ATRNL1: variants seen among roughly 807,000 people sequenced by gnomAD.
ATRNL1 encodes attractin like 1.
ATRNL1 carries 95 observed loss-of-function variants against 182.7 expected under a neutral mutation model. The ratio of observed to expected loss-of-function variants is 0.52; its 90% CI spans 0.44 to 0.62. ATRNL1 has a LOEUF of 0.62. Ranked by LOEUF, ATRNL1 falls within the 20% of genes least tolerant of loss-of-function variation. ATRNL1 has a pLI of 0.00. For missense variants in ATRNL1, 1,471 were observed against 1,679.5 expected (o/e 0.88, Z 2.17); for synonymous variants, 576 against 568.3 (o/e 1.01, Z -0.19).
chr10:115,493,806 T>G (rs1031074473), intron 24 of ATRNL1, among the ~76,000 whole-genome samples: 3 of 152,228 alleles, frequency 2.0e-5, no homozygotes, highest in African/African-American at 7.2e-5. Flanking sequence ...ATAGTAGATA[T>G]TCTGACTAGT....
At chr10:115,913,142 T>C (rs1952736527) in intron 28 of ATRNL1, among the ~76,000 whole-genome samples, 1 of 152,144 alleles carries the variant, frequency 6.6e-6, no homozygotes, top group African/African-American at 2.4e-5. Flanking sequence ...ATGAACTAAA[T>C]TGCAGTATGT....
intron 26 of ATRNL1, among the ~76,000 whole-genome samples, chr10:115,568,170 G>C (rs1280602044): frequency 1.3e-5 from 2 of 152,058 alleles, no homozygotes; most frequent in Non-Finnish European, 2.9e-5. Flanking sequence ...TACATAGTAA[G>C]TGGCCAGTGC....
chr10:115,324,999 T>C (rs1554932728), intron 18 of ATRNL1, among the ~76,000 whole-genome samples: 2 of 152,218 alleles, frequency 1.3e-5, no homozygotes. Context: ...TAAATTTTTG[T>C]CTTAAATTTC....
At chr10:115,719,417 G>A (rs1218382498) in intron 26 of ATRNL1, among the ~76,000 whole-genome samples, 3 of 152,140 alleles carry the variant, frequency 2.0e-5, no homozygotes, top group East Asian at 1.9e-4. Context: ...TCAGTGTTAT[G>A]AAGACTTAAG....
At chr10:115,171,537 A>AT (rs1446391191) in intron 8 of ATRNL1, among the ~76,000 whole-genome samples, 1 of 152,068 alleles carries the variant, frequency 6.6e-6, no homozygotes, top group East Asian at 1.9e-4. Flanking sequence ...AGATTTGTGA[A>AT]TTTTTTAAAA....
At chr10:115,709,433 T>G (rs1565307132) in intron 26 of ATRNL1, among the ~76,000 whole-genome samples, 1 of 151,912 alleles carries the variant, frequency 6.6e-6, no homozygotes, top group Non-Finnish European at 1.5e-5. Context: ...ACAAATGTAG[T>G]TCTGCTTTTT....
At chr10:115,443,700 A>G (rs1554966140) in intron 21 of ATRNL1, among the ~76,000 whole-genome samples, 1 of 151,996 alleles carries the variant, frequency 6.6e-6, no homozygotes, top group Non-Finnish European at 1.5e-5. Context: ...ATGGATACGC[A>G]TGTTTCTTTG....
chr10:115,121,648 C>A, intron 2 of ATRNL1, 51 bp from the exon 3 acceptor site: 1 of 743,914 alleles, frequency 1.3e-6, no homozygotes, highest in Non-Finnish European at 2.1e-6. Context: ...TATTTATTCA[C>A]TCTGTGCTTT....
At chr10:115,234,808 C>T (rs781896112) in intron 9 of ATRNL1, among the ~76,000 whole-genome samples, 2 of 151,932 alleles carry the variant, frequency 1.3e-5, no homozygotes, top group Non-Finnish European at 2.9e-5. Context: ...TGGCTGGTCT[C>T]GAACTCCTGA....
At chr10:115,205,830 T>C (rs566488745) in intron 8 of ATRNL1, among the ~76,000 whole-genome samples, 32 of 152,148 alleles carry the variant, frequency 2.1e-4, no homozygotes, top group African/African-American at 7.2e-4. Flanking sequence ...GCCATGTAAA[T>C]ATTTTTGCTT....
chr10:115,348,111 C>T (rs530842677), intron 19 of ATRNL1, among the ~76,000 whole-genome samples: 8 of 152,130 alleles, frequency 5.3e-5, no homozygotes, highest in East Asian at 3.9e-4. Flanking sequence ...GTAGCTGGGA[C>T]GACAGGCACG....
At chr10:115,447,981 C>G (rs1403200119) in intron 21 of ATRNL1, among the ~76,000 whole-genome samples, 3 of 151,916 alleles carry the variant, frequency 2.0e-5, no homozygotes, top group Admixed American at 1.3e-4. Flanking sequence ...TTCTTTATGA[C>G]TAATTGAAAC....
At chr10:115,311,175 T>G (rs1230336790) in intron 17 of ATRNL1, among the ~76,000 whole-genome samples, 2 of 146,456 alleles carry the variant, frequency 1.4e-5, no homozygotes, top group Non-Finnish European at 3.0e-5. Context: ...GAGAAGATAC[T>G]TGATATGATT....
At chr10:115,221,227 C>G (rs79746141) in intron 9 of ATRNL1, among the ~76,000 whole-genome samples, 2,264 of 152,296 alleles carry the variant, frequency 0.015, 21 homozygotes, top group South Asian at 0.025. Context: ...TACTCACCTC[C>G]TGCTCTGCTG....
intron 9 of ATRNL1, among the ~76,000 whole-genome samples, chr10:115,222,799 A>G (rs1424842461): frequency 1.3e-5 from 2 of 152,204 alleles, no homozygotes; most frequent in Admixed American, 1.3e-4. Context: ...ACTAATTACA[A>G]TAAGTGCTAT....
intron 19 of ATRNL1, among the ~76,000 whole-genome samples, chr10:115,351,871 T>C (rs1856274736): frequency 6.6e-6 from 1 of 152,174 alleles, no homozygotes; most frequent in Non-Finnish European, 1.5e-5. Flanking sequence ...CTTGACTTTG[T>C]AGAATATAAT....
intron 24 of ATRNL1, among the ~76,000 whole-genome samples, chr10:115,485,902 C>T (rs1554975037): frequency 6.7e-6 from 1 of 148,752 alleles, no homozygotes; most frequent in Non-Finnish European, 1.5e-5. Flanking sequence ...CAGCCCCCCA[C>T]CCCCCAATAG....
At chr10:115,762,996 T>C (rs1258211298) in intron 27 of ATRNL1, among the ~76,000 whole-genome samples, 11 of 152,154 alleles carry the variant, frequency 7.2e-5, no homozygotes, top group Non-Finnish European at 1.6e-4. Flanking sequence ...TTATGGCATT[T>C]GTATAATATT....
intron 28 of ATRNL1, among the ~76,000 whole-genome samples, chr10:115,871,233 C>A (rs1405005405): frequency 2.0e-5 from 3 of 151,950 alleles, no homozygotes; most frequent in Non-Finnish European, 4.4e-5. Flanking sequence ...CCATCTGATA[C>A]TTTCCCCTTT....
Sources: allele counts gnomAD v4.1 joint callset (sites outside exome capture counted in the v4.1 genomes callset), GRCh38; gene constraint gnomAD v4.1.1; transcripts MANE v1.5; gene names NCBI Gene and HGNC (gene_info 2026-07-23, HGNC 2026-07-21).